The following CADM2 variants were observed in gnomAD, a reference collection of about 807,000 sequenced individuals.
The protein encoded by CADM2 is cell adhesion molecule 2.
CADM2 carries 12 observed loss-of-function variants against 49.8 expected under a neutral mutation model. The observed-to-expected ratio is 0.24, with a 90% CI of 0.15 to 0.39. CADM2 has a LOEUF of 0.39. Ranked by LOEUF, CADM2 falls within the 10% of genes least tolerant of loss-of-function variation. The pLI, the probability that CADM2 is intolerant of heterozygous loss-of-function variation, is 1.00. For missense variants in CADM2, 378 were observed against 492.3 expected (o/e 0.77, Z 2.20); for synonymous variants, 214 against 175.4 (o/e 1.22, Z -1.74).
chr3:85,260,380 G>A (rs1399442363), intron 1 of CADM2, among the ~76,000 whole-genome samples: 1 of 152,160 alleles, frequency 6.6e-6, no homozygotes, highest in Non-Finnish European at 1.5e-5. Context: ...ATCTGCAAAA[G>A]GTCTGGACAA....
intron 1 of CADM2, among the ~76,000 whole-genome samples, chr3:85,615,575 CT>C (rs906514191): frequency 2.0e-5 from 3 of 151,726 alleles, no homozygotes. Context: ...CTTTTATTGT[CT>C]TTCTTTCCTT....
At chr3:85,680,843 A>G (rs2066021350) in intron 1 of CADM2, among the ~76,000 whole-genome samples, 1 of 152,182 alleles carries the variant, frequency 6.6e-6, no homozygotes, top group African/African-American at 2.4e-5. Flanking sequence ...TCAAAAGGTC[A>G]GTTCAAGCTC....
At chr3:85,626,908 T>C (rs1467340323) in intron 1 of CADM2, among the ~76,000 whole-genome samples, 3 of 152,018 alleles carry the variant, frequency 2.0e-5, no homozygotes, top group Non-Finnish European at 4.4e-5. Flanking sequence ...TGTGGATGAA[T>C]ACTTAACCGT....
At chr3:85,601,171 T>TGC (rs2063391592) in intron 1 of CADM2, among the ~76,000 whole-genome samples, 1 of 100,140 alleles carries the variant, frequency 1.0e-5, no homozygotes, top group Admixed American at 1.1e-4. Flanking sequence ...TATATATATA[T>TGC]ATACACACAC....
rs145096500 is a variant in CADM2 at position 85,798,301 on chromosome 3, T to C, written c.89-3746T>C. On this transcript the variant is annotated intron_variant, in intron 2 of 9. Coordinates refer to ENST00000383699, the MANE Select transcript of CADM2 (RefSeq NM_001167675.2). Reference sequence around the variant, plus strand: ...GATCTCATTTGTTAATTTTGGCTTTTGTTGCAATTGCTTTGGTGTTTTAGT... The same window carrying C: ...GATCTCATTTGTTAATTTTGGCTTTCGTTGCAATTGCTTTGGTGTTTTAGT... Among the ~76,000 whole-genome samples the C allele has an allele frequency of 6.7e-3, 1,019 of 152,316 alleles. 2 individuals are homozygous for C. Among genetic ancestry groups the C allele is most frequent in the Non-Finnish European group, 0.012 (791 of 68,030 alleles).
intron 1 of CADM2, among the ~76,000 whole-genome samples, chr3:85,045,631 G>A (rs374525897): frequency 1.1e-4 from 16 of 140,914 alleles, no homozygotes; most frequent in African/African-American, 3.4e-4. Flanking sequence ...CTATGCATGC[G>A]TGAGGAGAAT....
chr3:85,259,463 G>A (rs1484308695), intron 1 of CADM2, among the ~76,000 whole-genome samples: 4 of 151,934 alleles, frequency 2.6e-5, no homozygotes, highest in Non-Finnish European at 5.9e-5. Context: ...GTGAACATGT[G>A]TGAGCCTGCA....
intron 1 of CADM2, among the ~76,000 whole-genome samples, chr3:85,432,937 A>T (rs145788253): frequency 6.6e-6 from 1 of 152,060 alleles, no homozygotes; most frequent in African/African-American, 2.4e-5. Flanking sequence ...GAATCTCATT[A>T]TGCTCCAATT....
intron 7 of CADM2, among the ~76,000 whole-genome samples, chr3:85,945,129 A>G (rs1722492914): frequency 6.6e-6 from 1 of 152,170 alleles, no homozygotes; most frequent in African/African-American, 2.4e-5. Context: ...ACAAACTACC[A>G]TCAGAGAATT....
intron 7 of CADM2, among the ~76,000 whole-genome samples, chr3:85,947,551 G>GAA (rs903510966): frequency 5.9e-4 from 87 of 147,412 alleles, no homozygotes; most frequent in African/African-American, 2.1e-3. Context: ...TTTCAAAATT[G>GAA]AAAAAAAAAA....
chr3:84,996,624 A>G (rs1290826718), intron 1 of CADM2, among the ~76,000 whole-genome samples: 1 of 152,128 alleles, frequency 6.6e-6, no homozygotes, highest in Non-Finnish European at 1.5e-5. Context: ...GCTTTGTGTA[A>G]TTTATCCATG....
At chr3:85,227,809 G>T (rs2042195492) in intron 1 of CADM2, among the ~76,000 whole-genome samples, 1 of 152,098 alleles carries the variant, frequency 6.6e-6, no homozygotes, top group South Asian at 2.1e-4. Context: ...CTTCCTTCAG[G>T]AGCTCCTGTA....
intron 1 of CADM2, among the ~76,000 whole-genome samples, chr3:85,582,075 G>A (rs999650884): frequency 2.0e-5 from 3 of 151,892 alleles, no homozygotes; most frequent in Non-Finnish European, 2.9e-5. Flanking sequence ...ACAGGCACGC[G>A]CCACCAAGTC....
chr3:85,447,373 G>T (rs1437763521), intron 1 of CADM2, among the ~76,000 whole-genome samples: 1 of 151,964 alleles, frequency 6.6e-6, no homozygotes, highest in Non-Finnish European at 1.5e-5. Flanking sequence ...TAAATTAGTT[G>T]ATTTTAAATT....
chr3:85,196,465 A>G (rs2041345552), intron 1 of CADM2, among the ~76,000 whole-genome samples: 1 of 151,988 alleles, frequency 6.6e-6, no homozygotes, highest in Non-Finnish European at 1.5e-5. Flanking sequence ...AGATGATACT[A>G]TTTTAAAATT....
intron 1 of CADM2, among the ~76,000 whole-genome samples, chr3:85,427,160 C>A (rs1351773245): frequency 1.9e-4 from 22 of 113,686 alleles, no homozygotes; most frequent in African/African-American, 6.9e-4. Context: ...TGTATTGGAA[C>A]TATATATATA....
intron 1 of CADM2, among the ~76,000 whole-genome samples, chr3:85,571,615 T>C (rs1353574984): frequency 6.6e-6 from 1 of 152,266 alleles, no homozygotes; most frequent in Non-Finnish European, 1.5e-5. Flanking sequence ...ATGTCCCATA[T>C]AGCACATTGA....
intron 8 of CADM2, among the ~76,000 whole-genome samples, chr3:85,997,731 C>T (rs1234186068): frequency 3.9e-5 from 6 of 152,094 alleles, no homozygotes. Flanking sequence ...CTTTGTTTTT[C>T]ATGCATTTCT....
intron 3 of CADM2, among the ~76,000 whole-genome samples, chr3:85,875,940 C>T (rs773975690): frequency 1.7e-4 from 26 of 152,072 alleles, no homozygotes; most frequent in Non-Finnish European, 3.4e-4. Flanking sequence ...TAGAACTTGG[C>T]TTATTGTACT....
Sources: gnomAD v4.1 joint callset for allele counts (sites outside exome capture counted in the v4.1 genomes callset) on GRCh38, gnomAD v4.1.1 for gene constraint, MANE v1.5 for transcripts, NCBI Gene and HGNC (gene_info 2026-07-23, HGNC 2026-07-21) for gene names.